The following PITPNC1 variants were observed in gnomAD, a reference collection of about 807,000 sequenced individuals.
PITPNC1 encodes the protein phosphatidylinositol transfer protein cytoplasmic 1.
PITPNC1 carries 18 observed loss-of-function variants against 44.7 expected under a neutral mutation model. The observed-to-expected ratio is 0.40, with a 90% CI of 0.28 to 0.60. The LOEUF (loss-of-function observed/expected upper bound fraction) is 0.60, where lower values mean the gene tolerates loss of function less well. Ranked by LOEUF, PITPNC1 falls within the 20% of genes least tolerant of loss-of-function variation. The pLI is 0.39. For synonymous variants in PITPNC1, 141 were observed against 149.6 expected (o/e 0.94, Z 0.42); for missense variants, 290 against 418.4 (o/e 0.69, Z 2.68).
intron 6 of PITPNC1, among the ~76,000 whole-genome samples, chr17:67,633,690 G>T (rs1435021110): frequency 6.6e-6 from 1 of 152,268 alleles, no homozygotes; most frequent in Admixed American, 6.5e-5. Flanking sequence ...CCTTCCCCTT[G>T]TCTCACTCCA....
chr17:67,416,552 T>C (rs929876996), intron 1 of PITPNC1, among the ~76,000 whole-genome samples: 1 of 152,046 alleles, frequency 6.6e-6, no homozygotes, highest in Non-Finnish European at 1.5e-5. Flanking sequence ...GAGCATTGTA[T>C]ATTTTACCCA....
intron 1 of PITPNC1, among the ~76,000 whole-genome samples, chr17:67,442,306 A>G (rs2039026683): frequency 7.1e-6 from 1 of 141,000 alleles, no homozygotes. Flanking sequence ...AAGCTCTACA[A>G]TGAAAAAAAA....
chr17:67,440,087 C>A (rs895102838), intron 1 of PITPNC1, among the ~76,000 whole-genome samples: 6 of 152,092 alleles, frequency 3.9e-5, no homozygotes, highest in Admixed American at 3.9e-4. Context: ...TTGAGCAAAG[C>A]CTAGAGAATA....
rs1000557662 is a variant in PITPNC1, at chr17:67,696,025, C to T, written c.*3137C>T. ...ACATTTTTAGTTGCCACCGTTGTAA[C>T]TCAAACAATATGGGTTTGTTGGTGA... On this transcript the variant is annotated 3_prime_UTR_variant, in exon 9 of 9. Coordinates refer to ENST00000581322, the MANE Select transcript of PITPNC1 (RefSeq NM_012417.4). 2.0e-5 allele frequency: 3 copies of T among 152,192 alleles called. No homozygotes were observed. The highest frequency in any genetic ancestry group is 7.2e-5 in the African/African-American group (3 of 41,450). 9.4% of individuals were successfully genotyped at this position (152,192 alleles called of 1,614,324 possible). A position where few individuals can be genotyped will look rare whatever the true frequency, so the allele number is the denominator to read the frequency against.
At chr17:67,569,003 C>A (rs1446688939) in intron 4 of PITPNC1, among the ~76,000 whole-genome samples, 1 of 152,054 alleles carries the variant, frequency 6.6e-6, no homozygotes, top group Non-Finnish European at 1.5e-5. Flanking sequence ...TTTCGCACTT[C>A]CTGCTTCTGA....
intron 1 of PITPNC1, among the ~76,000 whole-genome samples, chr17:67,473,236 T>A (rs993144155): frequency 2.6e-5 from 4 of 152,214 alleles, no homozygotes; most frequent in African/African-American, 9.6e-5. Flanking sequence ...AGTCTCACTA[T>A]GTTGCCCATG....
At chr17:67,413,703 T>C (rs2038543757) in intron 1 of PITPNC1, among the ~76,000 whole-genome samples, 1 of 152,152 alleles carries the variant, frequency 6.6e-6, no homozygotes, top group Non-Finnish European at 1.5e-5. Flanking sequence ...CATAAAGAAT[T>C]GAACACACTT....
At chr17:67,609,129 T>G (rs547091452) in intron 5 of PITPNC1, among the ~76,000 whole-genome samples, 2 of 152,146 alleles carry the variant, frequency 1.3e-5, no homozygotes, top group South Asian at 4.2e-4. Context: ...CCCGAAGTGC[T>G]GGGAACACAG....
chr17:67,627,981 C>T (rs11079699), intron 5 of PITPNC1, among the ~76,000 whole-genome samples: 35,037 of 146,816 alleles, frequency 0.24, 4,373 homozygotes, highest in East Asian at 0.45. Context: ...GGCTGGAGTG[C>T]AGTGGCACAA....
At chr17:67,621,077 C>T (rs1350925042) in intron 5 of PITPNC1, among the ~76,000 whole-genome samples, 1 of 152,096 alleles carries the variant, frequency 6.6e-6, no homozygotes, top group Non-Finnish European at 1.5e-5. Flanking sequence ...TCTTGTATCA[C>T]CCCTGCTGGC....
intron 5 of PITPNC1, chr17:67,613,072 C>T (rs148466092): frequency 6.6e-6 from 1 of 152,296 alleles, no homozygotes; most frequent in Admixed American, 6.5e-5. Flanking sequence ...TGGCGCATGC[C>T]TGTAATCCCA....
intron 7 of PITPNC1, among the ~76,000 whole-genome samples, chr17:67,670,731 A>T (rs2042498450): frequency 6.9e-6 from 1 of 145,206 alleles, no homozygotes; most frequent in African/African-American, 2.6e-5. Flanking sequence ...AGCCTGGGTG[A>T]CAGAGCAAGA....
chr17:67,614,587 G>T (rs1483167676), intron 5 of PITPNC1, among the ~76,000 whole-genome samples: 2 of 150,966 alleles, frequency 1.3e-5, no homozygotes, highest in East Asian at 2.0e-4. Flanking sequence ...GAGGAGAATC[G>T]CTTGAACCTG....
intron 1 of PITPNC1, among the ~76,000 whole-genome samples, chr17:67,502,987 G>A (rs1457444210): frequency 1.3e-5 from 2 of 151,900 alleles, no homozygotes; most frequent in African/African-American, 4.8e-5. Context: ...GTAGAGACGG[G>A]GTCTCACCAT....
intron 4 of PITPNC1, among the ~76,000 whole-genome samples, chr17:67,571,015 C>T (rs1643834743): frequency 6.6e-6 from 1 of 152,124 alleles, no homozygotes; most frequent in East Asian, 1.9e-4. Flanking sequence ...ACCTCAGAGT[C>T]GGTGATGCTT....
At chr17:67,459,540 C>T (rs1426719389) in intron 1 of PITPNC1, 2 of 152,234 alleles carry the variant, frequency 1.3e-5, no homozygotes, top group Non-Finnish European at 2.9e-5. Context: ...TTAGCTCACA[C>T]ACTTTCACTC....
chr17:67,678,976 G>A (rs955421544), intron 8 of PITPNC1, among the ~76,000 whole-genome samples: 1 of 152,226 alleles, frequency 6.6e-6, no homozygotes, highest in African/African-American at 2.4e-5. Context: ...TAGGGTACTT[G>A]TTAGAAATGC....
At chr17:67,568,005 A>T (rs956071102) in intron 4 of PITPNC1, among the ~76,000 whole-genome samples, 2 of 152,140 alleles carry the variant, frequency 1.3e-5, no homozygotes, top group African/African-American at 4.8e-5. Context: ...GAGAAGAGAA[A>T]AGAAGAAAGA....
At chr17:67,634,635 A>C (rs2042011598) in intron 6 of PITPNC1, among the ~76,000 whole-genome samples, 1 of 152,200 alleles carries the variant, frequency 6.6e-6, no homozygotes, top group Non-Finnish European at 1.5e-5. Context: ...CGAACAGTAG[A>C]GAAATAGTCA....
Sources: allele counts gnomAD v4.1 joint callset (sites outside exome capture counted in the v4.1 genomes callset), GRCh38; gene constraint gnomAD v4.1.1; transcripts MANE v1.5; gene names NCBI Gene and HGNC (gene_info 2026-07-23, HGNC 2026-07-21).